Variants in SHROOM3 observed in about 807,000 individuals in gnomAD.
The protein encoded by SHROOM3 is shroom family member 3.
Under a neutral mutation model 138.6 loss-of-function variants are expected in SHROOM3, and 47 were observed. The ratio of observed to expected loss-of-function variants is 0.34; its 90% CI spans 0.27 to 0.43. The LOEUF (loss-of-function observed/expected upper bound fraction) is 0.43. SHROOM3 is among the 20% of genes least tolerant of loss of function. The pLI is 1.00. For missense variants in SHROOM3, 2,491 were observed against 2,596.5 expected (o/e 0.96, Z 0.88); for synonymous variants, 1,062 against 1,063.3 (o/e 1.00, Z 0.02).
intron 1 of SHROOM3, among the ~76,000 whole-genome samples, chr4:76,528,003 C>A (rs1055278796): frequency 6.6e-6 from 1 of 152,176 alleles, no homozygotes; most frequent in Non-Finnish European, 1.5e-5. Flanking sequence ...CCTACTACTA[C>A]ATCTTCTTAA....
intron 2 of SHROOM3, among the ~76,000 whole-genome samples, chr4:76,557,575 G>A (rs1392490554): frequency 6.6e-6 from 1 of 151,932 alleles, no homozygotes; most frequent in Non-Finnish European, 1.5e-5. Flanking sequence ...ATACTGTATT[G>A]TTTACTTAAA....
chr4:76,695,250 C>T (rs550174992), intron 2 of SHROOM3, among the ~76,000 whole-genome samples: 2 of 152,336 alleles, frequency 1.3e-5, no homozygotes, highest in Admixed American at 6.5e-5. Flanking sequence ...TCCTCTCTGA[C>T]ATTGTCCGTT....
At chr4:76,722,662 A>T (rs934860590) in intron 3 of SHROOM3, among the ~76,000 whole-genome samples, 3 of 148,008 alleles carry the variant, frequency 2.0e-5, no homozygotes, top group African/African-American at 5.0e-5. Flanking sequence ...AATTAAAGTT[A>T]AAAAAAAAAC....
intron 1 of SHROOM3, among the ~76,000 whole-genome samples, chr4:76,470,237 G>T (rs143152465): frequency 9.2e-5 from 14 of 152,218 alleles, no homozygotes; most frequent in South Asian, 8.3e-4. Flanking sequence ...ACCTCATAGG[G>T]TTTCTGTGAG....
At chr4:76,767,655 G>A (rs1722208160) in intron 9 of SHROOM3, among the ~76,000 whole-genome samples, 1 of 152,088 alleles carries the variant, frequency 6.6e-6, no homozygotes, top group Non-Finnish European at 1.5e-5. Context: ...TCCAGCCTGG[G>A]CAACAAGAGT....
At chr4:76,711,380 A>G (rs1720223955) in intron 3 of SHROOM3, among the ~76,000 whole-genome samples, 1 of 152,242 alleles carries the variant, frequency 6.6e-6, no homozygotes, top group South Asian at 2.1e-4. Context: ...TTATCATAGT[A>G]ACCAATTATC....
chr4:76,716,912 T>G (rs980142921), intron 3 of SHROOM3, among the ~76,000 whole-genome samples: 4 of 152,248 alleles, frequency 2.6e-5, no homozygotes, highest in Admixed American at 2.6e-4. Flanking sequence ...CACTTATTCC[T>G]TCTCTGATGC....
chr4:76,695,860 C>T (rs937152544), intron 2 of SHROOM3, among the ~76,000 whole-genome samples: 21 of 152,292 alleles, frequency 1.4e-4, no homozygotes, highest in South Asian at 2.1e-4. Flanking sequence ...AGTGGTGCCA[C>T]GTTGGTCTAT....
At chr4:76,707,232 G>C (rs1236251372) in intron 2 of SHROOM3, among the ~76,000 whole-genome samples, 1 of 152,154 alleles carries the variant, frequency 6.6e-6, no homozygotes, top group Non-Finnish European at 1.5e-5. Context: ...AAAATCTGTG[G>C]CATAAATTGA....
chr4:76,688,119 A>G (rs1162622750), intron 2 of SHROOM3, among the ~76,000 whole-genome samples: 3 of 152,248 alleles, frequency 2.0e-5, no homozygotes, highest in Admixed American at 6.5e-5. Flanking sequence ...AGAACAAACC[A>G]TATTAACCTC....
chr4:76,497,950 G>GT (rs1460059065), intron 1 of SHROOM3, among the ~76,000 whole-genome samples: 3 of 152,200 alleles, frequency 2.0e-5, no homozygotes, highest in Non-Finnish European at 4.4e-5. Flanking sequence ...CACCCAAAGT[G>GT]TATCGAGCCC....
intron 2 of SHROOM3, among the ~76,000 whole-genome samples, chr4:76,569,308 T>C (rs1733789860): frequency 6.6e-6 from 1 of 152,140 alleles, no homozygotes; most frequent in Non-Finnish European, 1.5e-5. Flanking sequence ...TATAAAACTT[T>C]AGTACGGGGT....
intron 1 of SHROOM3, among the ~76,000 whole-genome samples, chr4:76,473,266 A>G (rs746938995): frequency 1.5e-4 from 23 of 152,218 alleles, no homozygotes; most frequent in Non-Finnish European, 3.1e-4. Flanking sequence ...TAAATTTTCT[A>G]TCTGATAAGA....
intron 2 of SHROOM3, among the ~76,000 whole-genome samples, chr4:76,605,929 C>A (rs1172173712): frequency 1.2e-3 from 164 of 139,964 alleles, no homozygotes; most frequent in Middle Eastern, 3.8e-3. Context: ...CTCTCTCTCT[C>A]TCTCTATATA....
intron 10 of SHROOM3, among the ~76,000 whole-genome samples, chr4:76,771,412 A>T (rs1004889578): frequency 1.2e-4 from 18 of 151,886 alleles, no homozygotes; most frequent in African/African-American, 4.1e-4. Context: ...CTTAAGGCTC[A>T]TGGAATTCTT....
chr4:76,703,773 A>G (rs1719968656), intron 2 of SHROOM3, among the ~76,000 whole-genome samples: 2 of 152,244 alleles, frequency 1.3e-5, no homozygotes. Context: ...AAATTGCCAC[A>G]TGAATGAGTG....
chr4:76,586,801 G>A (rs1235882793), intron 2 of SHROOM3: 1 of 152,180 alleles, frequency 6.6e-6, no homozygotes, highest in Admixed American at 6.5e-5. Flanking sequence ...ATGCTAACTT[G>A]TATAATAAGA....
chr4:76,731,803 C>A (rs1193968323), intron 4 of SHROOM3, among the ~76,000 whole-genome samples: 4 of 149,646 alleles, frequency 2.7e-5, no homozygotes, highest in South Asian at 2.1e-4. Context: ...AACAAACAAA[C>A]AAACAGAAAT....
intron 1 of SHROOM3, among the ~76,000 whole-genome samples, chr4:76,534,362 CCATGGT>C (rs1211119054): frequency 9.9e-5 from 15 of 152,158 alleles, no homozygotes; most frequent in Non-Finnish European, 2.1e-4. Context: ...TATGTGTTTA[CCATGGT>C]CACAGCCTAC....
Sources: allele counts gnomAD v4.1 joint callset (sites outside exome capture counted in the v4.1 genomes callset), GRCh38; gene constraint gnomAD v4.1.1; transcripts MANE v1.5; gene names NCBI Gene and HGNC (gene_info 2026-07-23, HGNC 2026-07-21).